Variants in ERBB4 observed in about 807,000 individuals in gnomAD.
ERBB4 encodes receptor tyrosine-protein kinase erbB-4.
Under a neutral mutation model 158.0 loss-of-function variants are expected in ERBB4, and 42 were observed. The observed-to-expected ratio is 0.27, with a 90% confidence interval of 0.21 to 0.34. The LOEUF (loss-of-function observed/expected upper bound fraction) is 0.34. ERBB4 is among the 10% of genes least tolerant of loss of function. The probability of loss-of-function intolerance (pLI) is 1.00; values close to 1 mark genes in which losing one functional copy is unlikely to be tolerated. For synonymous variants in ERBB4, 583 were observed against 558.7 expected, an observed-to-expected ratio of 1.04 and a Z score of -0.61; for missense variants, 1,333 against 1,624.1, an observed-to-expected ratio of 0.82 and a Z score of 3.08.
intron 12 of ERBB4, among the ~76,000 whole-genome samples, chr2:211,695,608 T>G (rs1487141498): frequency 6.6e-6 from 1 of 152,134 alleles, no homozygotes. Context: ...TTGAGATCAT[T>G]TCTAAATTCT....
chr2:211,569,973 C>A (rs1159118448), intron 19 of ERBB4, among the ~76,000 whole-genome samples: 1 of 152,156 alleles, frequency 6.6e-6, no homozygotes, highest in Admixed American at 6.6e-5. Flanking sequence ...TTTCTCCCCT[C>A]TGATGTTTCC....
chr2:212,181,863 A>G (rs2081876721), intron 1 of ERBB4, among the ~76,000 whole-genome samples: 1 of 151,680 alleles, frequency 6.6e-6, no homozygotes, highest in African/African-American at 2.4e-5. Context: ...TCTACCCACA[A>G]AGGGGCAGTT....
chr2:212,121,333 C>A (rs957342446), intron 2 of ERBB4, among the ~76,000 whole-genome samples: 4 of 152,142 alleles, frequency 2.6e-5, no homozygotes, highest in African/African-American at 9.7e-5. Flanking sequence ...CTGGATTCTC[C>A]TTCCTCAGCC....
intron 20 of ERBB4, among the ~76,000 whole-genome samples, chr2:211,512,507 TAG>T (rs1358891414): frequency 6.6e-6 from 1 of 151,932 alleles, no homozygotes; most frequent in African/African-American, 2.4e-5. Flanking sequence ...ACATTTATAT[TAG>T]AAATCACTAT....
intron 9 of ERBB4, among the ~76,000 whole-genome samples, chr2:211,706,095 T>C (rs922893211): frequency 1.3e-5 from 2 of 152,138 alleles, no homozygotes; most frequent in African/African-American, 4.8e-5. Context: ...TTTTATTACA[T>C]TAAAAGACAT....
At chr2:212,394,821 A>T (rs1177699929) in intron 1 of ERBB4, among the ~76,000 whole-genome samples, 1 of 152,146 alleles carries the variant, frequency 6.6e-6, no homozygotes, top group Non-Finnish European at 1.5e-5. Context: ...AACTTTAGGA[A>T]ATGACGCTGC....
At chr2:212,264,579 A>G (rs966444124) in intron 1 of ERBB4, among the ~76,000 whole-genome samples, 1 of 152,154 alleles carries the variant, frequency 6.6e-6, no homozygotes, top group African/African-American at 2.4e-5. Context: ...AGATAGGTTT[A>G]CTACTAGGCA....
chr2:211,641,943 T>C (rs1228884684), intron 16 of ERBB4, among the ~76,000 whole-genome samples: 1 of 152,000 alleles, frequency 6.6e-6, no homozygotes, highest in Non-Finnish European at 1.5e-5. Flanking sequence ...ATTTTTTTTT[T>C]TGTTTTATCA....
intron 13 of ERBB4, among the ~76,000 whole-genome samples, chr2:211,677,385 A>T (rs1219733862): frequency 6.6e-6 from 1 of 151,372 alleles, no homozygotes; most frequent in Non-Finnish European, 1.5e-5. Context: ...ACCAACATGG[A>T]GAAACCCTGT....
rs777703706 is a variant in ERBB4, at chr2:211,877,388, G to C, written c.421+70042C>G. 3.2e-4 allele frequency among the ~76,000 whole-genome samples: 48 copies of C among 152,088 alleles called. 1 individual carries two copies. The highest frequency in any genetic ancestry group is 1.3e-4 in the Non-Finnish European group (9 of 68,012). On this transcript the variant is annotated intron_variant, in intron 3 of 27. Coordinates refer to ENST00000342788, the MANE Select transcript of ERBB4 (RefSeq NM_005235.3). Reference sequence around the variant, plus strand: ...GAGAAAGAAATATATTTTTATTTAAGCCACAGTTAATGTATTGCCTGTTTT... The same window carrying C: ...GAGAAAGAAATATATTTTTATTTAACCCACAGTTAATGTATTGCCTGTTTT...
intron 3 of ERBB4, among the ~76,000 whole-genome samples, chr2:211,797,395 A>G (rs2076404476): frequency 6.6e-6 from 1 of 151,928 alleles, no homozygotes; most frequent in Non-Finnish European, 1.5e-5. Context: ...TATAGTTTTA[A>G]TAACTCTTCT....
chr2:211,681,936 T>A (rs2072352755), intron 12 of ERBB4, among the ~76,000 whole-genome samples: 1 of 151,960 alleles, frequency 6.6e-6, no homozygotes, highest in African/African-American at 2.4e-5. Context: ...ATTTTCTAAG[T>A]TTTATAGGTT....
chr2:212,523,531 CTG>C (rs926219832), intron 1 of ERBB4, among the ~76,000 whole-genome samples: 12 of 150,646 alleles, frequency 8.0e-5, no homozygotes, highest in African/African-American at 1.2e-4. Flanking sequence ...AATATGAAGA[CTG>C]TTAAGAAAAA....
chr2:211,956,884 G>A (rs1396623075), intron 2 of ERBB4, among the ~76,000 whole-genome samples: 2 of 151,986 alleles, frequency 1.3e-5, no homozygotes, highest in Non-Finnish European at 2.9e-5. Context: ...GCCCAGGCTG[G>A]AGCGCAGTGG....
At chr2:211,933,052 CT>C (rs763122928) in intron 3 of ERBB4, among the ~76,000 whole-genome samples, 1 of 151,930 alleles carries the variant, frequency 6.6e-6, no homozygotes, top group Non-Finnish European at 1.5e-5. Flanking sequence ...ATTGTGACCC[CT>C]GATGTATTTA....
chr2:212,074,437 A>G (rs2078215848), intron 2 of ERBB4, among the ~76,000 whole-genome samples: 1 of 151,984 alleles, frequency 6.6e-6, no homozygotes, highest in Admixed American at 6.6e-5. Context: ...TCTCAGGTTA[A>G]TCCCATATTT....
At chr2:212,232,759 C>G (rs1465150535) in intron 1 of ERBB4, among the ~76,000 whole-genome samples, 1 of 152,140 alleles carries the variant, frequency 6.6e-6, no homozygotes, top group Non-Finnish European at 1.5e-5. Flanking sequence ...ACTTTTCTTT[C>G]TCTTCTACTC....
intron 13 of ERBB4, among the ~76,000 whole-genome samples, chr2:211,677,000 T>C (rs528768820): frequency 6.6e-6 from 1 of 152,292 alleles, no homozygotes; most frequent in South Asian, 2.1e-4. Flanking sequence ...AATTAAATGC[T>C]AAAATTTTCC....
At chr2:211,879,166 T>C (rs1255009501) in intron 3 of ERBB4, among the ~76,000 whole-genome samples, 1 of 151,950 alleles carries the variant, frequency 6.6e-6, no homozygotes. Context: ...TAGACAAAAA[T>C]GACTACTTAA....
Sources: allele counts gnomAD v4.1 joint callset (sites outside exome capture counted in the v4.1 genomes callset), GRCh38; gene constraint gnomAD v4.1.1; transcripts MANE v1.5; gene names NCBI Gene and HGNC (gene_info 2026-07-23, HGNC 2026-07-21).